Variants in SNX29 observed in about 807,000 individuals in gnomAD.
The protein encoded by SNX29 is sorting nexin 29.
Under a neutral mutation model 102.1 loss-of-function variants are expected in SNX29, and 78 were observed. That is an observed-to-expected ratio of 0.76 (90% confidence interval 0.64 to 0.92). SNX29 has a LOEUF of 0.92. Ranked by LOEUF, SNX29 falls within the 40% of genes least tolerant of loss-of-function variation. The probability of loss-of-function intolerance (pLI) is 0.00; values close to 1 mark genes in which losing one functional copy is unlikely to be tolerated. For synonymous variants in SNX29, 580 were observed against 414.5 expected (o/e 1.40, Z -4.85); for missense variants, 1,280 against 1,061.7 (o/e 1.21, Z -2.86).
At chr16:12,205,663 C>G (rs2077028129) in intron 14 of SNX29, among the ~76,000 whole-genome samples, 1 of 152,228 alleles carries the variant, frequency 6.6e-6, no homozygotes, top group Non-Finnish European at 1.5e-5. Context: ...CAGATACCAC[C>G]TCCTCTTGAC....
At chr16:12,456,168 G>T (rs774866182) in intron 18 of SNX29, among the ~76,000 whole-genome samples, 2 of 152,164 alleles carry the variant, frequency 1.3e-5, no homozygotes, top group Non-Finnish European at 1.5e-5. Flanking sequence ...GTACTCCCAA[G>T]AATATGTATA....
At chr16:12,552,160 C>A (rs906612730) in intron 20 of SNX29, among the ~76,000 whole-genome samples, 2 of 152,174 alleles carry the variant, frequency 1.3e-5, no homozygotes, top group Admixed American at 6.5e-5. Flanking sequence ...ACAGCTTAAT[C>A]TACTAATCCT....
chr16:12,199,737 C>T, intron 14 of SNX29, 54 bp downstream of exon 14: 1 of 1,437,840 alleles, frequency 7.0e-7, no homozygotes, highest in Non-Finnish European at 9.7e-7. Flanking sequence ...CCATTAACAC[C>T]TGTACGTGGC....
intron 3 of SNX29, among the ~76,000 whole-genome samples, chr16:12,008,889 G>A (rs1354828004): frequency 2.6e-5 from 4 of 151,764 alleles, no homozygotes; most frequent in African/African-American, 7.3e-5. Flanking sequence ...CTATAGGTGC[G>A]CGCCTCCAGG....
rs151146768 is a variant in SNX29 at position 12,253,541 on chromosome 16, T to C, written c.1679-24392T>C. Among the ~76,000 whole-genome samples, 426 of 152,204 alleles carry C rather than the reference T, an allele frequency of 2.8e-3. 6 individuals carry two copies. Among genetic ancestry groups the C allele is most frequent in the African/African-American group, 9.4e-3 (392 of 41,516 alleles). ...CGGGATGAACTTTGTTGAGAAGGCG[T>C]TGCCTGAGCACAGAGTTGCCAAGGG... On this transcript the variant is annotated intron_variant, in intron 14 of 20. Transcript: ENST00000566228.
At chr16:12,118,494 G>A (rs2053835095) in intron 11 of SNX29, among the ~76,000 whole-genome samples, 1 of 151,146 alleles carries the variant, frequency 6.6e-6, no homozygotes, top group Non-Finnish European at 1.5e-5. Context: ...TGATTTTTGT[G>A]TTTTTAGTAG....
chr16:12,225,222 CTTTAAGGGACATCTTTT>C (rs1157263749), intron 14 of SNX29, among the ~76,000 whole-genome samples: 1 of 152,062 alleles, frequency 6.6e-6, no homozygotes, highest in Non-Finnish European at 1.5e-5. Context: ...ATGTATCTAC[CTTTAAGGGACATCTTTT>C]TTACTTGGCT....
chr16:12,504,596 C>T (rs1461253630), intron 19 of SNX29, among the ~76,000 whole-genome samples: 1 of 152,204 alleles, frequency 6.6e-6, no homozygotes, highest in African/African-American at 2.4e-5. Flanking sequence ...CAAGGTTTTA[C>T]TTTCTGCAGT....
intron 13 of SNX29, among the ~76,000 whole-genome samples, chr16:12,157,163 C>T (rs557899159): frequency 1.3e-5 from 2 of 152,254 alleles, no homozygotes; most frequent in East Asian, 1.9e-4. Context: ...GCAGTCGCCT[C>T]GGAAGGATGG....
intron 18 of SNX29, among the ~76,000 whole-genome samples, chr16:12,470,262 T>C (rs771351144): frequency 6.6e-6 from 1 of 152,246 alleles, no homozygotes; most frequent in Non-Finnish European, 1.5e-5. Context: ...GCATTTGGTC[T>C]ATGCTGCAGG....
At chr16:12,171,542 A>G (rs2076149891) in intron 13 of SNX29, among the ~76,000 whole-genome samples, 1 of 152,328 alleles carries the variant, frequency 6.6e-6, no homozygotes, top group East Asian at 1.9e-4. Flanking sequence ...GCTGTGTTCC[A>G]CAGGCCGTGG....
chr16:12,556,874 A>G (rs534009954), intron 20 of SNX29, among the ~76,000 whole-genome samples: 1 of 151,362 alleles, frequency 6.6e-6, no homozygotes, highest in Non-Finnish European at 1.5e-5. Flanking sequence ...TTTTTTTGAG[A>G]TAGGGTCTCC....
chr16:12,110,870 C>A (rs1343622462), intron 11 of SNX29, among the ~76,000 whole-genome samples: 1 of 151,792 alleles, frequency 6.6e-6, no homozygotes, highest in East Asian at 1.9e-4. Flanking sequence ...GTTGCCCAGG[C>A]TGGAGTGCAG....
At chr16:12,005,143 CA>C (rs760918539) in intron 3 of SNX29, among the ~76,000 whole-genome samples, 2 of 152,218 alleles carry the variant, frequency 1.3e-5, no homozygotes, top group African/African-American at 2.4e-5. Context: ...GTGTTGTACA[CA>C]AGCACTTTGT....
At chr16:12,518,172 GCT>G (rs754761066) in intron 19 of SNX29, among the ~76,000 whole-genome samples, 3 of 152,272 alleles carry the variant, frequency 2.0e-5, no homozygotes, top group East Asian at 3.9e-4. Context: ...AGTTTTGAGA[GCT>G]CTCTCTGCCT....
At chr16:12,050,106 A>G (rs1487522298) in intron 7 of SNX29, among the ~76,000 whole-genome samples, 2 of 152,208 alleles carry the variant, frequency 1.3e-5, no homozygotes, top group Admixed American at 6.5e-5. Flanking sequence ...CTTGTAGAAG[A>G]TAGGGCTGTT....
intron 20 of SNX29, among the ~76,000 whole-genome samples, chr16:12,528,695 G>A (rs1455016912): frequency 1.3e-5 from 2 of 152,178 alleles, no homozygotes; most frequent in Non-Finnish European, 2.9e-5. Flanking sequence ...CCTGGCTCTG[G>A]AGTTTGCAGT....
intron 9 of SNX29, among the ~76,000 whole-genome samples, chr16:12,065,553 C>G (rs1490862782): frequency 6.6e-6 from 1 of 152,204 alleles, no homozygotes; most frequent in East Asian, 1.9e-4. Flanking sequence ...TCTCCTTGTC[C>G]TCACGTTGGA....
At chr16:12,232,630 T>A (rs1187345721) in intron 14 of SNX29, among the ~76,000 whole-genome samples, 1 of 152,212 alleles carries the variant, frequency 6.6e-6, no homozygotes, top group Admixed American at 6.5e-5. Context: ...AGTGGAAACG[T>A]TGGGGAATCT....
Sources: allele counts gnomAD v4.1 joint callset (sites outside exome capture counted in the v4.1 genomes callset), GRCh38; gene constraint gnomAD v4.1.1; transcripts MANE v1.5; gene names NCBI Gene and HGNC (gene_info 2026-07-23, HGNC 2026-07-21).